Variants in ZNF407 observed in about 807,000 individuals in gnomAD.
ZNF407 encodes zinc finger protein 407.
In ZNF407, 17 loss-of-function variants were observed where a neutral mutation model predicts 131.2. The ratio of observed to expected loss-of-function variants is 0.13; its 90% CI spans 0.09 to 0.19. The LOEUF (loss-of-function observed/expected upper bound fraction) is 0.19. Ranked by LOEUF, ZNF407 falls within the 10% of genes least tolerant of loss-of-function variation. The pLI is 1.00. For missense variants in ZNF407, 2,681 were observed against 2,830.6 expected, an observed-to-expected ratio of 0.95 and a Z score of 1.20; for synonymous variants, 1,156 against 1,062.0, an observed-to-expected ratio of 1.09 and a Z score of -1.72.
chr18:74,734,711 T>G (rs73472446), intron 3 of ZNF407, among the ~76,000 whole-genome samples: 149 of 104,352 alleles, frequency 1.4e-3, no homozygotes, highest in East Asian at 5.2e-3. Context: ...GTGTGTGTGT[T>G]TTTGAGAGAA....
chr18:74,991,742 T>C (rs1242432238), intron 8 of ZNF407, among the ~76,000 whole-genome samples: 1 of 152,222 alleles, frequency 6.6e-6, no homozygotes, highest in East Asian at 1.9e-4. Context: ...TGGCCATCAC[T>C]ACATCACTTA....
At chr18:75,056,740 C>G (rs1257428895) in intron 8 of ZNF407, among the ~76,000 whole-genome samples, 1 of 152,204 alleles carries the variant, frequency 6.6e-6, no homozygotes. Flanking sequence ...ATCAGTTTGA[C>G]TGGCCAAACT....
At chr18:75,033,589 G>A (rs1222139168) in intron 8 of ZNF407, among the ~76,000 whole-genome samples, 1 of 152,178 alleles carries the variant, frequency 6.6e-6, no homozygotes, top group East Asian at 1.9e-4. Context: ...ATAAAAAGAG[G>A]CCAAAGCAGG....
chr18:74,603,222 G>C (rs1982658827), intron 1 of ZNF407, among the ~76,000 whole-genome samples: 1 of 152,336 alleles, frequency 6.6e-6, no homozygotes, highest in African/African-American at 2.4e-5. Flanking sequence ...TGCTATGAGA[G>C]TTGATGATAA....
In ZNF407 at chr18:74,897,420, G is replaced by A. The variant is rs17055856; in HGVS notation, c.5249+7382G>A. 2.3e-3 allele frequency among the ~76,000 whole-genome samples: 353 copies of A among 152,210 alleles called. 3 individuals carry two copies. The highest frequency in any genetic ancestry group is 7.7e-3 in the African/African-American group (319 of 41,520). ...TGAACACAAAGTGACCATGCATTCCGTCTGCTATCTCTTTAAGTAGAATCC... is the reference window on the plus strand; with the variant it reads ...TGAACACAAAGTGACCATGCATTCCATCTGCTATCTCTTTAAGTAGAATCC... On this transcript the variant is annotated intron_variant, in intron 7 of 8. Transcript: ENST00000299687.
chr18:74,654,423 G>T (rs1985359968), intron 3 of ZNF407, among the ~76,000 whole-genome samples: 1 of 151,746 alleles, frequency 6.6e-6, no homozygotes, highest in Admixed American at 6.6e-5. Context: ...AATTCTTTCA[G>T]TGCCAAACTG....
intron 4 of ZNF407, among the ~76,000 whole-genome samples, chr18:74,854,276 G>A (rs1179355770): frequency 6.6e-6 from 1 of 152,144 alleles, no homozygotes; most frequent in South Asian, 2.1e-4. Context: ...TTAAATTAGT[G>A]TGTTAGATAA....
intron 3 of ZNF407, among the ~76,000 whole-genome samples, chr18:74,715,660 TA>T (rs1234867870): frequency 6.6e-6 from 1 of 152,094 alleles, no homozygotes; most frequent in African/African-American, 2.4e-5. Context: ...CAACATTTTT[TA>T]AAAAAAATTA....
At chr18:74,901,384 A>G (rs1971522827) in intron 7 of ZNF407, among the ~76,000 whole-genome samples, 1 of 152,242 alleles carries the variant, frequency 6.6e-6, no homozygotes, top group South Asian at 2.1e-4. Flanking sequence ...TTTTGTACAT[A>G]TTCTCTCAAA....
In ZNF407 at chr18:75,063,130, CT is replaced by C. The variant is rs1191059042; in HGVS notation, c.5429-19del. 1.9e-6 allele frequency: 3 copies of C among 1,540,330 alleles called. No individual in the cohort carries two copies. Among genetic ancestry groups the C allele is most frequent in the African/African-American group, 2.8e-5 (2 of 72,236 alleles). On this transcript the variant is annotated intron_variant, in intron 8 of 8. Coordinates refer to ENST00000299687, the MANE Select transcript of ZNF407 (RefSeq NM_017757.3). This position sits in a 1 kb window ranked among gnomAD's most constrained non-coding sequence, Gnocchi z 6.6. ...TACGAGTACTTTTTCCAGGCTCTAA[CT>C]GGTCCCTGTCTCCCTTAGGCATTGT...
At chr18:74,838,234 T>G (rs1970584910) in intron 4 of ZNF407, among the ~76,000 whole-genome samples, 1 of 152,220 alleles carries the variant, frequency 6.6e-6, no homozygotes, top group African/African-American at 2.4e-5. Context: ...TATTTTTAGA[T>G]AGGTGCTTAG....
At chr18:74,682,074 A>C (rs1321889191) in intron 3 of ZNF407, among the ~76,000 whole-genome samples, 1 of 152,222 alleles carries the variant, frequency 6.6e-6, no homozygotes, top group Admixed American at 6.5e-5. Flanking sequence ...TGACACTTTG[A>C]TTTAAATTCT....
In ZNF407 at chr18:74,756,742, G is replaced by A. The variant is rs1968972823; in HGVS notation, c.4803-24686G>A. On this transcript the variant is annotated intron_variant, in intron 3 of 8. Transcript: ENST00000299687. ...TGTCATCTGTGAATATGTCTTTGTA[G>A]AAGGTTTTTTTGACTCTTCATTCAG... Among the ~76,000 whole-genome samples, 3 of 4,930 alleles carry A rather than the reference G, an allele frequency of 6.1e-4. No homozygotes were observed. In the South Asian group the frequency reaches 0.3, roughly 493 times the overall value. The allele number at this position is 4,930 out of a possible 152,430, so 3.2% of individuals were successfully genotyped here.
intron 3 of ZNF407, among the ~76,000 whole-genome samples, chr18:74,646,037 C>T (rs1270002530): frequency 6.6e-6 from 1 of 152,108 alleles, no homozygotes. Flanking sequence ...CACTTGAGAG[C>T]TTAATTTATC....
intron 8 of ZNF407, among the ~76,000 whole-genome samples, chr18:74,959,658 C>A (rs1972316595): frequency 6.6e-6 from 1 of 152,204 alleles, no homozygotes; most frequent in South Asian, 2.1e-4. Context: ...TCCTTCCAGG[C>A]AAGATCTTCC....
chr18:74,604,904 A>G (rs1982736116), intron 1 of ZNF407, among the ~76,000 whole-genome samples: 1 of 151,962 alleles, frequency 6.6e-6, no homozygotes, highest in South Asian at 2.1e-4. Context: ...TTTATAGTTC[A>G]TGCATAGTTC....
intron 8 of ZNF407, among the ~76,000 whole-genome samples, chr18:74,966,357 G>A (rs553225763): frequency 6.6e-6 from 1 of 152,048 alleles, no homozygotes; most frequent in Non-Finnish European, 1.5e-5. Context: ...GAGAAATAGG[G>A]GTCTAGTTTC....
chr18:74,781,414 T>C lies in ZNF407; in HGVS notation c.4803-14T>C, dbSNP rs1969598954. On this transcript the variant is annotated splice_polypyrimidine_tract_variant and intron_variant, in intron 3 of 8. Transcript: ENST00000299687. Reference sequence around the variant, plus strand: ...CAAGTTTTAGTTTTATAATTACTTTTGTTTATTTTTTAGGGTTGCTTTTGT... The same window carrying C: ...CAAGTTTTAGTTTTATAATTACTTTCGTTTATTTTTTAGGGTTGCTTTTGT... The C allele has an allele frequency of 1.5e-5, 23 of 1,522,874 alleles. No individual in the cohort carries two copies. The highest frequency in any genetic ancestry group is 1.8e-5 in the Non-Finnish European group (20 of 1,130,230). 94.3% of individuals were successfully genotyped at this position (1,522,874 alleles called of 1,614,324 possible).
intron 4 of ZNF407, among the ~76,000 whole-genome samples, chr18:74,814,957 CTT>C (rs1037118696): frequency 1.7e-4 from 25 of 150,428 alleles, no homozygotes; most frequent in African/African-American, 5.7e-4. Context: ...ATTAATCAGA[CTT>C]TTATTTCAAA....
Sources: allele counts gnomAD v4.1 joint callset (sites outside exome capture counted in the v4.1 genomes callset), GRCh38; gene constraint gnomAD v4.1.1; non-coding constraint Gnocchi (gnomAD v3.1); transcripts MANE v1.5; gene names NCBI Gene and HGNC (gene_info 2026-07-23, HGNC 2026-07-21).